PCDHGA12: variants seen among roughly 807,000 people sequenced by gnomAD.
PCDHGA12 encodes protocadherin gamma subfamily A, 12.
Under a neutral mutation model 61.1 loss-of-function variants are expected in PCDHGA12, and 43 were observed. The observed-to-expected ratio is 0.70, with a 90% CI of 0.55 to 0.91. The LOEUF (loss-of-function observed/expected upper bound fraction) is 0.91, where lower values mean the gene tolerates loss of function less well. Among genes scored for constraint, PCDHGA12 ranks in the 40% least tolerant of loss-of-function variants. PCDHGA12 has a pLI of 0.00. For synonymous variants in PCDHGA12, 520 were observed against 542.9 expected, an observed-to-expected ratio of 0.96 and a Z score of 0.59; for missense variants, 1,236 against 1,227.7, an observed-to-expected ratio of 1.01 and a Z score of -0.10.
At chr5:141,509,376 C>A (rs2099876528) in intron 3 of PCDHGA12, among the ~76,000 whole-genome samples, 1 of 152,122 alleles carries the variant, frequency 6.6e-6, no homozygotes, top group African/African-American at 2.4e-5. Flanking sequence ...TTAACTGTCT[C>A]CTAACCACAG....
chr5:141,482,126 A>G (rs1235540230), intron 1 of PCDHGA12, among the ~76,000 whole-genome samples: 1 of 152,004 alleles, frequency 6.6e-6, no homozygotes, highest in Non-Finnish European at 1.5e-5. Flanking sequence ...TGGGAGAATC[A>G]TATGGCTGGC....
intron 1 of PCDHGA12, among the ~76,000 whole-genome samples, chr5:141,470,151 CT>C (rs746135943): frequency 7.2e-5 from 11 of 152,164 alleles, no homozygotes; most frequent in Non-Finnish European, 1.6e-4. Flanking sequence ...CATAGATCAT[CT>C]TATCAAATCA....
At chr5:141,450,815 A>ATAT (rs1420984335) in intron 1 of PCDHGA12, among the ~76,000 whole-genome samples, 2,245 of 126,710 alleles carry the variant, frequency 0.018, 73 homozygotes, top group African/African-American at 0.063. Flanking sequence ...TATTTATTTA[A>ATAT]TATTATTATT....
At position 141,431,034 on chromosome 5, in the gene PCDHGA12, G is replaced by C. The variant is rs372312860; in HGVS notation, c.275G>C (p.Arg92Pro). 2.5e-6 allele frequency: 4 copies of C among 1,613,992 alleles called. No homozygotes were observed. The highest frequency in any genetic ancestry group is 2.7e-5 in the African/African-American group (2 of 74,938). Residue 92 changes from arginine to proline, a missense_variant, in exon 1 of 4, where the codon CGG (arginine) becomes CCG (proline). Coordinates refer to ENST00000252085, the MANE Select transcript of PCDHGA12 (RefSeq NM_003735.3). The surrounding 1 kb of genome is among the most constrained non-coding windows in gnomAD (Gnocchi z 4.8). ...GSLVTAGRIDREELCMGAIKC... is the reference protein window; with the variant it reads ...GSLVTAGRIDPEELCMGAIKC... ...TTGGTCACGGCGGGCAGGATAGACC[G>C]GGAGGAGCTCTGTATGGGGGCCATC...
intron 1 of PCDHGA12, among the ~76,000 whole-genome samples, chr5:141,464,440 T>C (rs566597587): frequency 6.6e-6 from 1 of 151,608 alleles, no homozygotes; most frequent in South Asian, 2.1e-4. Context: ...TATATGTTTG[T>C]TGTTGTTGTT....
chr5:141,479,562 T>G (rs1176956064), intron 1 of PCDHGA12: 2 of 152,218 alleles, frequency 1.3e-5, no homozygotes, highest in Non-Finnish European at 2.9e-5. Flanking sequence ...TATCCAGTAG[T>G]GGGATGACAT....
intron 1 of PCDHGA12, among the ~76,000 whole-genome samples, chr5:141,437,236 C>A (rs2154557405): frequency 6.6e-6 from 1 of 152,278 alleles, no homozygotes; most frequent in South Asian, 2.1e-4. Context: ...AAAATTATGT[C>A]AAGGACTTTC....
chr5:141,482,510 T>A (rs2099563292), intron 1 of PCDHGA12, among the ~76,000 whole-genome samples: 3 of 121,012 alleles, frequency 2.5e-5, no homozygotes, highest in African/African-American at 3.5e-5. Context: ...GTACCCAGAG[T>A]ACAGTATGAG....
chr5:141,438,617 TATATATATATATATATATACACAC>T (rs1311176771), intron 1 of PCDHGA12, among the ~76,000 whole-genome samples: 58 of 37,154 alleles, frequency 1.6e-3, no homozygotes, highest in African/African-American at 7.8e-3. Flanking sequence ...TATATATATA[TATATATATATATATATATACACAC>T]ACACACACAC....
chr5:141,506,162 C>T (rs1448735916), intron 3 of PCDHGA12, among the ~76,000 whole-genome samples: 1 of 152,124 alleles, frequency 6.6e-6, no homozygotes, highest in Non-Finnish European at 1.5e-5. Flanking sequence ...CTTAAGAGCA[C>T]AGCCTAAGCT....
Position 141,487,252 on chromosome 5 carries a change from G to T in PCDHGA12, c.2425-7555G>T. ...GAGAATCTCGTCTAACCCTCTACTT[G>T]GCTGTGTCCCTAGTGGCAATTTGCT... On this transcript the variant is annotated intron_variant, in intron 1 of 3. Transcript: ENST00000252085. The surrounding 1 kb of genome is among the most constrained non-coding windows in gnomAD (Gnocchi z 5.0). 1 of 1,614,110 alleles carries T rather than the reference G, an allele frequency of 6.2e-7. No homozygotes were observed. The highest frequency in any genetic ancestry group is 8.5e-7 in the Non-Finnish European group (1 of 1,180,014).
chr5:141,448,756 C>T (rs938202200), intron 1 of PCDHGA12, among the ~76,000 whole-genome samples: 1 of 151,742 alleles, frequency 6.6e-6, no homozygotes, highest in African/African-American at 2.4e-5. Context: ...CTGGCTAACA[C>T]GGTGAAACCC....
intron 1 of PCDHGA12, among the ~76,000 whole-genome samples, chr5:141,460,285 T>C (rs1283830175): frequency 1.3e-5 from 2 of 152,154 alleles, no homozygotes; most frequent in Admixed American, 6.5e-5. Context: ...ATAGTTTGTA[T>C]TTCTTATGTC....
At chr5:141,464,407 A>C (rs996561936) in intron 1 of PCDHGA12, among the ~76,000 whole-genome samples, 1 of 151,544 alleles carries the variant, frequency 6.6e-6, no homozygotes, top group Non-Finnish European at 1.5e-5. Flanking sequence ...CCTGAGATAT[A>C]TATATATCTA....
intron 3 of PCDHGA12, 87 bp from the exon 4 acceptor site, chr5:141,510,854 TGTATAG>T: frequency 6.2e-7 from 1 of 1,602,320 alleles, no homozygotes; most frequent in Non-Finnish European, 8.5e-7. Flanking sequence ...CCCAGGGTGC[TGTATAG>T]GCATTCATTA....
intron 2 of PCDHGA12, among the ~76,000 whole-genome samples, chr5:141,505,177 A>G (rs917485235): frequency 6.6e-6 from 1 of 152,180 alleles, no homozygotes; most frequent in East Asian, 1.9e-4. Flanking sequence ...AAAAGAAAAA[A>G]GCATCGGAGG....
intron 1 of PCDHGA12, 177 bp from the exon 2 acceptor site, chr5:141,494,630 C>T (rs991482599): frequency 5.8e-6 from 5 of 866,562 alleles, no homozygotes; most frequent in Non-Finnish European, 6.9e-6. Flanking sequence ...GTACCTCAGA[C>T]CTCTGAGACC....
Position 141,477,657 on chromosome 5 carries a change from G to C in PCDHGA12, c.2425-17150G>C. 4 of 1,614,190 alleles carry C rather than the reference G, an allele frequency of 2.5e-6. No individual in the cohort carries two copies. Among genetic ancestry groups the C allele is most frequent in the Non-Finnish European group, 3.4e-6 (4 of 1,180,038 alleles). The stretch of plus-strand genomic sequence containing the variant: ...GTGGGTCGCTATTTCACAATAAATC[G>C]TGACAATGGCATAGTGTCATCCTTA... On this transcript the variant is annotated intron_variant, in intron 1 of 3. Coordinates refer to ENST00000252085, the MANE Select transcript of PCDHGA12 (RefSeq NM_003735.3). The surrounding 1 kb of genome is among the most constrained non-coding windows in gnomAD (Gnocchi z 4.9).
At chr5:141,479,023 GT>G (rs1436478867) in intron 1 of PCDHGA12, among the ~76,000 whole-genome samples, 1 of 152,056 alleles carries the variant, frequency 6.6e-6, no homozygotes, top group Non-Finnish European at 1.5e-5. Context: ...ATTTTCCTTT[GT>G]TTATACAGAT....
Sources: allele counts gnomAD v4.1 joint callset (sites outside exome capture counted in the v4.1 genomes callset), GRCh38; gene constraint gnomAD v4.1.1; non-coding constraint Gnocchi (gnomAD v3.1); transcripts MANE v1.5; gene names NCBI Gene and HGNC (gene_info 2026-07-23, HGNC 2026-07-21).